RIMOC1: variants seen among roughly 807,000 people sequenced by gnomAD.
RIMOC1 encodes RAB7A interacting MON1-CCZ1 complex subunit 1, also known as RAB7A-interacting MON1-CCZ1 complex subunit 1.
the RIMOC1 span, chr5:41,912,040 T>G: frequency 7.7e-7 from 1 of 1,295,998 alleles, no homozygotes; most frequent in Non-Finnish European, 1.1e-6. Flanking sequence ...TATAATACTT[T>G]CAATTCTTTG....
chr5:41,912,149 C>G, the RIMOC1 span: 1 of 1,610,032 alleles, frequency 6.2e-7, no homozygotes, highest in Non-Finnish European at 8.5e-7. Context: ...GAGTTTCTTT[C>G]CAAGATCTAG....
the RIMOC1 span, among the ~76,000 whole-genome samples, chr5:41,907,304 T>A: frequency 1.3e-5 from 2 of 152,240 alleles, no homozygotes; most frequent in Non-Finnish European, 2.9e-5. Context: ...TGGTCAATCA[T>A]GGTCTTTTGA....
At chr5:41,919,386 G>C in the RIMOC1 span, 1 of 152,088 alleles carries the variant, frequency 6.6e-6, no homozygotes, top group East Asian at 1.9e-4. Context: ...GCTGCTTTTG[G>C]TAAACATACA....
chr5:41,907,012 A>T, the RIMOC1 span, among the ~76,000 whole-genome samples: 1 of 152,206 alleles, frequency 6.6e-6, no homozygotes, highest in Non-Finnish European at 1.5e-5. Context: ...AAGTGGACAC[A>T]TAAGAAAAGG....
At chr5:41,906,519 C>G in the RIMOC1 span, among the ~76,000 whole-genome samples, 4 of 152,188 alleles carry the variant, frequency 2.6e-5, no homozygotes, top group Admixed American at 2.0e-4. Flanking sequence ...TCAACACACT[C>G]TCTAAAGAAG....
chr5:41,920,677 G>A, the RIMOC1 span: 1 of 152,264 alleles, frequency 6.6e-6, no homozygotes, highest in East Asian at 1.9e-4. Context: ...TACTGCTTTA[G>A]CATTTGTGTC....
the RIMOC1 span, among the ~76,000 whole-genome samples, chr5:41,913,007 CACTTT>C: frequency 3.9e-5 from 6 of 152,298 alleles, no homozygotes; most frequent in South Asian, 1.2e-3. Context: ...CATGGGGAGG[CACTTT>C]ATATAGAACA....
chr5:41,907,751 G>A, the RIMOC1 span: 22 of 1,602,154 alleles, frequency 1.4e-5, no homozygotes, highest in Non-Finnish European at 1.4e-5. Context: ...TTTTTAATTC[G>A]GGCCTCTGCA....
chr5:41,906,323 T>C, the RIMOC1 span, among the ~76,000 whole-genome samples: 1 of 152,352 alleles, frequency 6.6e-6, no homozygotes, highest in East Asian at 1.9e-4. Flanking sequence ...GTCATTACTT[T>C]GACTAAATAG....
chr5:41,913,872 C>T, the RIMOC1 span, among the ~76,000 whole-genome samples: 19 of 152,238 alleles, frequency 1.2e-4, no homozygotes, highest in South Asian at 2.5e-3. Context: ...TTTTGACAAA[C>T]ATAGGATATT....
chr5:41,910,264 T>C, the RIMOC1 span, among the ~76,000 whole-genome samples: 1 of 152,044 alleles, frequency 6.6e-6, no homozygotes, highest in African/African-American at 2.4e-5. Context: ...CCCTTCTTAA[T>C]GTTGATCACC....
the RIMOC1 span, chr5:41,911,229 CA>C: frequency 1.9e-4 from 297 of 1,550,860 alleles, no homozygotes; most frequent in Non-Finnish European, 2.3e-4. Context: ...TTAGAGGTTT[CA>C]AAAAGCTGTC....
the RIMOC1 span, chr5:41,904,410 C>T: frequency 2.1e-5 from 34 of 1,613,970 alleles, no homozygotes; most frequent in Non-Finnish European, 2.9e-5. Context: ...AGTGGAAGAG[C>T]TCGGGGATCT....
At chr5:41,920,745 C>A in the RIMOC1 span, 1 of 152,206 alleles carries the variant, frequency 6.6e-6, no homozygotes, top group Non-Finnish European at 1.5e-5. Flanking sequence ...GATAAAGTTT[C>A]TTTCTTACAG....
At chr5:41,904,945 T>G in the RIMOC1 span, among the ~76,000 whole-genome samples, 1 of 152,208 alleles carries the variant, frequency 6.6e-6, no homozygotes, top group Non-Finnish European at 1.5e-5. Flanking sequence ...GAGCTTTACA[T>G]TGGTGTGTAG....
the RIMOC1 span, chr5:41,917,192 A>G: frequency 6.2e-7 from 1 of 1,613,878 alleles, no homozygotes; most frequent in African/African-American, 1.3e-5. Flanking sequence ...AGGAGAAAAA[A>G]TCTTGAAAAA....
chr5:41,917,403 AC>A, the RIMOC1 span: 1 of 1,440,534 alleles, frequency 6.9e-7, no homozygotes, highest in African/African-American at 1.4e-5. Flanking sequence ...TGAGAACATT[AC>A]ACTGCATAAA....
At chr5:41,905,868 A>G in the RIMOC1 span, among the ~76,000 whole-genome samples, 6 of 152,358 alleles carry the variant, frequency 3.9e-5, no homozygotes, top group African/African-American at 1.2e-4. Context: ...TGAAGGCTTT[A>G]TACTTCTGAA....
the RIMOC1 span, chr5:41,916,376 G>A: frequency 4.0e-5 from 36 of 893,778 alleles, no homozygotes; most frequent in African/African-American, 6.3e-4. Flanking sequence ...ATTGCCTACT[G>A]GAAAAACTAC....
Sources: gnomAD v4.1 joint callset for allele counts (sites outside exome capture counted in the v4.1 genomes callset) on GRCh38, gnomAD v4.1.1 for gene constraint, MANE v1.5 for transcripts, NCBI Gene and HGNC (gene_info 2026-07-23, HGNC 2026-07-21) for gene names.